Variants in DPY19L3 observed in about 807,000 individuals in gnomAD.
DPY19L3 encodes dpy-19 like C-mannosyltransferase 3.
DPY19L3 carries 51 observed loss-of-function variants against 92.3 expected under a neutral mutation model. The observed-to-expected ratio is 0.55, with a 90% CI of 0.44 to 0.70. The LOEUF (loss-of-function observed/expected upper bound fraction) is 0.70, where lower values mean the gene tolerates loss of function less well. Ranked by LOEUF, DPY19L3 falls within the 30% of genes least tolerant of loss-of-function variation. The pLI is 0.00. For missense variants in DPY19L3, 706 were observed against 855.9 expected (o/e 0.82, Z 2.18); for synonymous variants, 309 against 315.2 (o/e 0.98, Z 0.21).
intron 3 of DPY19L3, among the ~76,000 whole-genome samples, chr19:32,414,593 C>CA (rs917176857): frequency 0.034 from 3,883 of 113,486 alleles, 143 homozygotes; most frequent in African/African-American, 0.11. Context: ...GATTTCATCT[C>CA]AAAAAAAAAA....
At chr19:32,414,430 A>C (rs1434815043) in intron 3 of DPY19L3, among the ~76,000 whole-genome samples, 1 of 151,096 alleles carries the variant, frequency 6.6e-6, no homozygotes, top group Non-Finnish European at 1.5e-5. Context: ...AAAAAAAACA[A>C]ACAAACAAAA....
At chr19:32,408,840 T>C (rs929377486) in intron 2 of DPY19L3, among the ~76,000 whole-genome samples, 1 of 152,046 alleles carries the variant, frequency 6.6e-6, no homozygotes, top group Admixed American at 6.6e-5. Context: ...AATCAGAACT[T>C]GGTCAGTTGT....
chr19:32,481,370 C>G (rs1237643435), intron 18 of DPY19L3: 1 of 152,040 alleles, frequency 6.6e-6, no homozygotes, highest in Non-Finnish European at 1.5e-5. Context: ...CAGAGACATC[C>G]ATTTAAATTT....
intron 16 of DPY19L3, among the ~76,000 whole-genome samples, chr19:32,470,114 G>A (rs1970312873): frequency 6.6e-6 from 1 of 152,234 alleles, no homozygotes; most frequent in Admixed American, 6.5e-5. Flanking sequence ...TGGTCCTAAT[G>A]TCGGACTGGG....
chr19:32,482,074 T>C lies in DPY19L3; in HGVS notation c.1990-5T>C, dbSNP rs1970689528. ...AAATTGTATTTGGGTTTGTTTTGGTTTTAGATGATGGATGGCCCAGGAGAG... is the reference window on the plus strand; with the variant it reads ...AAATTGTATTTGGGTTTGTTTTGGTCTTAGATGATGGATGGCCCAGGAGAG... On this transcript the variant is annotated splice_polypyrimidine_tract_variant and splice_region_variant and intron_variant, in intron 18 of 18. Coordinates refer to ENST00000392250, the MANE Select transcript of DPY19L3 (RefSeq NM_001172774.2). 1.2e-6 allele frequency: 2 copies of C among 1,606,356 alleles called. No individual in the cohort carries two copies. Among genetic ancestry groups the C allele is most frequent in the African/African-American group, 2.7e-5 (2 of 74,372 alleles).
Position 32,453,281 on chromosome 19 carries a change from G to A in DPY19L3, c.987+5G>A. 2.5e-6 allele frequency: 4 copies of A among 1,594,470 alleles called. No individual in the cohort carries two copies. Among genetic ancestry groups the A allele is most frequent in the Non-Finnish European group, 3.4e-6 (4 of 1,174,800 alleles). On this transcript the variant is annotated splice_donor_5th_base_variant and intron_variant, in intron 9 of 18. Transcript: ENST00000392250. Reference sequence around the variant, plus strand: ...TTCATTGCAAGAAAACTTCAGGTAGGACTTTTTTTTTGTCCTTTATCAAAG... The same window carrying A: ...TTCATTGCAAGAAAACTTCAGGTAGAACTTTTTTTTTGTCCTTTATCAAAG...
At chr19:32,415,011 C>CCAG (rs1225948700) in intron 3 of DPY19L3, among the ~76,000 whole-genome samples, 1 of 152,178 alleles carries the variant, frequency 6.6e-6, no homozygotes, top group East Asian at 1.9e-4. Context: ...TCTGAATTTA[C>CCAG]CAGCAGATTT....
intron 2 of DPY19L3, among the ~76,000 whole-genome samples, chr19:32,409,852 C>T (rs1968115420): frequency 6.6e-6 from 1 of 152,180 alleles, no homozygotes; most frequent in Non-Finnish European, 1.5e-5. Flanking sequence ...GGTTCCATCA[C>T]CACACCACCT....
intron 8 of DPY19L3, among the ~76,000 whole-genome samples, chr19:32,446,041 T>C (rs776908923): frequency 4.2e-4 from 64 of 152,254 alleles, no homozygotes; most frequent in Non-Finnish European, 7.2e-4. Flanking sequence ...GCAAAAATTA[T>C]AACACTGTCT....
At chr19:32,424,383 A>G (rs1375280685) in intron 3 of DPY19L3, among the ~76,000 whole-genome samples, 8 of 151,836 alleles carry the variant, frequency 5.3e-5, no homozygotes, top group Non-Finnish European at 1.2e-4. Flanking sequence ...TTTCTCTTTT[A>G]TAACTGGAAG....
chr19:32,467,384 T>A, intron 15 of DPY19L3: 1 of 966,894 alleles, frequency 1.0e-6, no homozygotes, highest in South Asian at 4.8e-5. Flanking sequence ...TTCTATTGGT[T>A]ATCAAATTAG....
intron 10 of DPY19L3, among the ~76,000 whole-genome samples, 194 bp downstream of exon 10, chr19:32,455,234 A>G (rs113461804): frequency 0.02 from 2,980 of 152,268 alleles, 46 homozygotes; most frequent in Non-Finnish European, 0.028. Flanking sequence ...TGCCGGGACT[A>G]CAAGTGTGCA....
intron 10 of DPY19L3, among the ~76,000 whole-genome samples, chr19:32,456,219 G>A (rs1969861670): frequency 6.6e-6 from 1 of 150,694 alleles, no homozygotes; most frequent in Non-Finnish European, 1.5e-5. Flanking sequence ...AGGACTATGT[G>A]TGTATACCAC....
intron 18 of DPY19L3, chr19:32,480,908 G>A (rs997754539): frequency 2.5e-5 from 11 of 433,406 alleles, no homozygotes; most frequent in African/African-American, 1.2e-4. Flanking sequence ...CTGCTCCAAC[G>A]CTTCGTATTG....
chr19:32,480,659 A>C, intron 18 of DPY19L3, 102 bp downstream of exon 18: 1 of 1,368,568 alleles, frequency 7.3e-7, no homozygotes, highest in Non-Finnish European at 9.8e-7. Context: ...GTCTAGTTGA[A>C]TTACGCTACG....
At chr19:32,470,781 C>CTT (rs71336911) in intron 16 of DPY19L3, among the ~76,000 whole-genome samples, 4,839 of 91,150 alleles carry the variant, frequency 0.053, 421 homozygotes, top group African/African-American at 0.14. Context: ...ATTCCTTTGG[C>CTT]TTTTTTTTTT....
chr19:32,457,212 C>G (rs1189269128), intron 10 of DPY19L3, among the ~76,000 whole-genome samples: 1 of 152,176 alleles, frequency 6.6e-6, no homozygotes, highest in Non-Finnish European at 1.5e-5. Flanking sequence ...TGACCTACAA[C>G]AAGAGGAAGT....
intron 16 of DPY19L3, among the ~76,000 whole-genome samples, chr19:32,475,337 C>T (rs1280109582): frequency 6.6e-6 from 1 of 152,150 alleles, no homozygotes; most frequent in Non-Finnish European, 1.5e-5. Flanking sequence ...CAGGATCATT[C>T]GCCTCTGATA....
rs991009940 is a variant in DPY19L3, at chr19:32,439,255, C to A, written c.720+20C>A. 8.1e-6 allele frequency: 13 copies of A among 1,602,906 alleles called. No individual in the cohort carries two copies. In the African/African-American group the frequency reaches 1.5e-4, roughly 18 times the overall value. On this transcript the variant is annotated intron_variant, in intron 7 of 18. Transcript: ENST00000392250. ...TCTGAAGTAAGTGTTTATAAAATTTCATATATTTTAATCCCCCAATTTTAT... is the reference window on the plus strand; with the variant it reads ...TCTGAAGTAAGTGTTTATAAAATTTAATATATTTTAATCCCCCAATTTTAT...
Sources: allele counts gnomAD v4.1 joint callset (sites outside exome capture counted in the v4.1 genomes callset), GRCh38; gene constraint gnomAD v4.1.1; transcripts MANE v1.5; gene names NCBI Gene and HGNC (gene_info 2026-07-23, HGNC 2026-07-21).